Variants in C4orf50 observed in about 807,000 individuals in gnomAD.
C4orf50 encodes the protein uncharacterized protein C4orf50.
A neutral mutation model predicts 77.2 loss-of-function variants in C4orf50; 80 were observed. The observed-to-expected ratio is 1.04, with a 90% CI of 0.87 to 1.25. The LOEUF (loss-of-function observed/expected upper bound fraction) is 1.25, where lower values mean the gene tolerates loss of function less well. Ranked by LOEUF, C4orf50 falls within the 50% of genes most tolerant of loss-of-function variation. The pLI, the probability that C4orf50 is intolerant of heterozygous loss-of-function variation, is 0.00. For missense variants in C4orf50, 1,257 were observed against 1,152.9 expected (o/e 1.09, Z -1.31); for synonymous variants, 532 against 465.3 (o/e 1.14, Z -1.84).
rs575196875 is a variant in C4orf50, at chr4:6,000,643, C to T, written c.964-6167G>A. On this transcript the variant is annotated intron_variant, in intron 25 of 33. Coordinates refer to ENST00000531445, the Ensembl canonical transcript of C4orf50. The surrounding 1 kb of genome is among the most constrained non-coding windows in gnomAD (Gnocchi z 6.0). ...CTTTCCTCTGCCCCTACCTCCTTCA[C>T]CCAATCTGTTTTGTCATCCTGTGGG... is the stretch of plus-strand genomic sequence containing the variant. Among the ~76,000 whole-genome samples the T allele has an allele frequency of 6.6e-6, 1 of 152,240 alleles. No homozygotes were observed. The highest frequency in any genetic ancestry group is 2.1e-4 in the South Asian group (1 of 4,818).
At chr4:5,990,320 C>A in exon 28 of C4orf50, 1 of 963,056 alleles carries the variant, frequency 1.0e-6, no homozygotes, top group Non-Finnish European at 1.3e-6. Flanking sequence ...TACTTGTCAC[C>A]AAGGTTTTTC....
chr4:5,989,503 C>T (rs1721125722), exon 28 of C4orf50: 1 of 1,536,146 alleles, frequency 6.5e-7, no homozygotes. Context: ...TCTCTCCCAG[C>T]CACTGTGCCA....
chr4:5,966,806 T>C (rs1170812172), intron 32 of C4orf50, among the ~76,000 whole-genome samples: 1 of 151,922 alleles, frequency 6.6e-6, no homozygotes, highest in Non-Finnish European at 1.5e-5. Context: ...TGCGCCACCA[T>C]ACCCAGCTAA....
intron 28 of C4orf50, among the ~76,000 whole-genome samples, chr4:5,980,963 A>G (rs1720551469): frequency 6.6e-6 from 1 of 152,200 alleles, no homozygotes; most frequent in Non-Finnish European, 1.5e-5. Context: ...GAGGAAGGAC[A>G]GTGAGAGGGA....
chr4:5,936,259 T>C (rs575693761), intron 7 of C4orf50, among the ~76,000 whole-genome samples: 1 of 151,336 alleles, frequency 6.6e-6, no homozygotes, highest in African/African-American at 2.4e-5. Context: ...ACCTAGAATA[T>C]AGCTTAGAAA....
intron 7 of C4orf50, chr4:5,903,539 C>G (rs570016453): frequency 3.0e-4 from 45 of 152,266 alleles, no homozygotes; most frequent in Non-Finnish European, 5.4e-4. Flanking sequence ...ATAAACTAGT[C>G]ATGAAAGGAC....
In C4orf50 at chr4:5,919,225, A is replaced by G. The variant is rs1346148387; in HGVS notation, c.*2475-21037T>C. On this transcript the variant is annotated intron_variant, in intron 7 of 7. Coordinates refer to the C4orf50 transcript ENST00000324058. The surrounding 1 kb of genome is among the most constrained non-coding windows in gnomAD (Gnocchi z 6.5). The stretch of plus-strand genomic sequence containing the variant: ...GCCATTTCCGGAGCTGAATGTATTC[A>G]GGGGCCTGTTTCCAGTTCAGAGGAG... Among the ~76,000 whole-genome samples, 1 of 152,146 alleles carries G rather than the reference A, an allele frequency of 6.6e-6. No homozygotes were observed. Among genetic ancestry groups the G allele is most frequent in the Non-Finnish European group, 1.5e-5 (1 of 68,024 alleles).
chr4:5,938,887 G>A (rs957191671), intron 7 of C4orf50, among the ~76,000 whole-genome samples: 21 of 151,756 alleles, frequency 1.4e-4, no homozygotes, highest in African/African-American at 3.9e-4. Flanking sequence ...GACAGATGGC[G>A]TCTCCATCAA....
chr4:5,909,100 A>G (rs911840712), intron 7 of C4orf50, among the ~76,000 whole-genome samples: 3 of 152,136 alleles, frequency 2.0e-5, no homozygotes, highest in African/African-American at 7.2e-5. Flanking sequence ...AAACTACTAC[A>G]TGTCTTTCTC....
At chr4:5,987,359 C>T (rs1317014170) in intron 28 of C4orf50, among the ~76,000 whole-genome samples, 6 of 135,140 alleles carry the variant, frequency 4.4e-5, no homozygotes, top group Admixed American at 3.2e-4. Flanking sequence ...TACAGTGAGC[C>T]GAGATCCCAC....
chr4:5,969,189 G>A (rs1038247676), intron 31 of C4orf50, among the ~76,000 whole-genome samples: 6 of 152,032 alleles, frequency 3.9e-5, no homozygotes, highest in African/African-American at 1.2e-4. Context: ...ACACTCTCCC[G>A]AGCCCTGCCT....
chr4:6,008,859 G>C lies in C4orf50; in HGVS notation c.427-327C>G, dbSNP rs758060184. On this transcript the variant is annotated intron_variant, in intron 24 of 33. Transcript: ENST00000531445. The surrounding 1 kb of genome is among the most constrained non-coding windows in gnomAD (Gnocchi z 6.0). The stretch of plus-strand genomic sequence containing the variant: ...CCCTGAGGGCCGCTGGAGATGTCCG[G>C]ATACTGAATACGTCCGCACCTGAGT... Among the ~76,000 whole-genome samples, 2 of 152,080 alleles carry C rather than the reference G, an allele frequency of 1.3e-5. No homozygotes were observed. Among genetic ancestry groups the C allele is most frequent in the African/African-American group, 2.4e-5 (1 of 41,422 alleles).
At chr4:5,984,971 TC>T (rs1359254188) in intron 28 of C4orf50, among the ~76,000 whole-genome samples, 9 of 151,882 alleles carry the variant, frequency 5.9e-5, no homozygotes, top group African/African-American at 2.2e-4. Context: ...ATAAAAGCAG[TC>T]AGAGATAAAA....
chr4:5,906,342 G>A (rs1292567170), intron 7 of C4orf50, among the ~76,000 whole-genome samples: 2 of 152,050 alleles, frequency 1.3e-5, no homozygotes, highest in African/African-American at 2.4e-5. Flanking sequence ...GGTGACATTC[G>A]AGCAGTCTTG....
At chr4:5,964,912 T>A in intron 33 of C4orf50, 112 bp downstream of exon 11, 9 of 903,680 alleles carry the variant, frequency 1.0e-5, no homozygotes, top group Admixed American at 2.5e-5. Context: ...TTTCTTGACC[T>A]GGTGGTGGCT....
rs763224298 is a variant in C4orf50, at chr4:5,988,345, A to C, written c.3699+2T>G. On this transcript the variant is annotated splice_donor_variant, in intron 28 of 33. Coordinates refer to ENST00000531445, the Ensembl canonical transcript of C4orf50. LOFTEE classifies it high-confidence loss of function. ...GTAAGCAGATATGCAGACCCAACCT[A>C]CCATGGGGCCATTGCTCAGGGAGCT... 24 of 1,613,350 alleles carry C rather than the reference A, an allele frequency of 1.5e-5. No individual in the cohort carries two copies. The East Asian group carries it at 5.1e-4, about 34-fold the overall frequency.
chr4:5,903,726 G>C (rs1716430865), intron 7 of C4orf50: 1 of 152,096 alleles, frequency 6.6e-6, no homozygotes. Context: ...TGATGGTGAT[G>C]GTTGCACCAC....
intron 7 of C4orf50, among the ~76,000 whole-genome samples, chr4:5,950,749 A>G (rs1718679953): frequency 2.0e-5 from 3 of 152,188 alleles, no homozygotes; most frequent in Admixed American, 2.0e-4. Flanking sequence ...ACTTGAAATT[A>G]CACAATATAT....
rs751509548 is a variant in C4orf50 at position 5,907,815 on chromosome 4, GC to G, written c.*2475-9628del. Among the ~76,000 whole-genome samples the G allele has an allele frequency of 7.2e-5, 11 of 152,164 alleles. No homozygotes were observed. The East Asian group carries it at 7.7e-4, about 11-fold the overall frequency. ...GGGCATAAAAGAGAGAAGTAAAAAG[GC>G]CCTAAAGTGGGGTCAAGCTGGGCAG... is the stretch of plus-strand genomic sequence containing the variant. On this transcript the variant is annotated intron_variant, in intron 7 of 7. Coordinates refer to the C4orf50 transcript ENST00000324058.
Sources: allele counts gnomAD v4.1 joint callset (sites outside exome capture counted in the v4.1 genomes callset), GRCh38; gene constraint gnomAD v4.1.1; non-coding constraint Gnocchi (gnomAD v3.1); transcripts MANE v1.5; gene names NCBI Gene and HGNC (gene_info 2026-07-23, HGNC 2026-07-21).